SPATA45: variants seen among roughly 807,000 people sequenced by gnomAD.
SPATA45 encodes the protein spermatogenesis-associated protein 45.
SPATA45 carries 5 observed loss-of-function variants against 7.0 expected under a neutral mutation model. The observed-to-expected ratio is 0.71, with a 90% CI of 0.37 to 1.50. The LOEUF is 1.50. Among genes scored for constraint, SPATA45 ranks in the 40% most tolerant of loss-of-function variants. The probability of loss-of-function intolerance (pLI) is 0.03; values close to 1 mark genes in which losing one functional copy is unlikely to be tolerated. For missense variants in SPATA45, 111 were observed against 114.9 expected, an observed-to-expected ratio of 0.97 and a Z score of 0.16; for synonymous variants, 40 against 38.7, an observed-to-expected ratio of 1.03 and a Z score of -0.13.
intron 2 of SPATA45, among the ~76,000 whole-genome samples, chr1:212,833,477 G>T (rs1663525415): frequency 7.4e-6 from 1 of 134,446 alleles, no homozygotes; most frequent in Non-Finnish European, 1.6e-5. Flanking sequence ...TGGCCAACAT[G>T]ACGAAACCCC....
At chr1:212,830,604 G>A (rs969273149) in intron 2 of SPATA45, among the ~76,000 whole-genome samples, 5 of 148,992 alleles carry the variant, frequency 3.4e-5, no homozygotes, top group African/African-American at 7.4e-5. Flanking sequence ...CCCAGGAGGC[G>A]GAACGTGCAG....
intron 2 of SPATA45, among the ~76,000 whole-genome samples, chr1:212,831,365 G>A (rs76592298): frequency 2.7e-5 from 4 of 150,798 alleles, no homozygotes; most frequent in African/African-American, 9.7e-5. Context: ...CAGCTACTCG[G>A]GAGGCTGAGA....
intron 1 of SPATA45, among the ~76,000 whole-genome samples, chr1:212,847,314 C>A (rs1663817775): frequency 6.6e-6 from 1 of 152,138 alleles, no homozygotes; most frequent in South Asian, 2.1e-4. Context: ...GCACTAGTAG[C>A]ACTAGCCTGG....
intron 1 of SPATA45, 82 bp from the exon 2 acceptor site, chr1:212,836,269 T>C: frequency 8.9e-7 from 1 of 1,123,506 alleles, no homozygotes; most frequent in Non-Finnish European, 1.3e-6. Context: ...CAGTTTCTCT[T>C]TTTGCCTTCT....
At chr1:212,846,142 C>T (rs2102515750) in intron 1 of SPATA45, among the ~76,000 whole-genome samples, 1 of 152,268 alleles carries the variant, frequency 6.6e-6, no homozygotes, top group Admixed American at 6.5e-5. Flanking sequence ...CAGGTCATCA[C>T]CAATCATTCT....
At chr1:212,845,346 A>G (rs375296612) in intron 1 of SPATA45, among the ~76,000 whole-genome samples, 3,480 of 151,724 alleles carry the variant, frequency 0.023, 59 homozygotes, top group South Asian at 0.041. Context: ...CACATGCCCC[A>G]AGTCAGGAAA....
chr1:212,845,475 T>C (rs1006529488), intron 1 of SPATA45, among the ~76,000 whole-genome samples: 104 of 152,316 alleles, frequency 6.8e-4, no homozygotes, highest in Admixed American at 6.7e-3. Flanking sequence ...ATTCCTCAGT[T>C]TGGCCTTCCC....
chr1:212,832,223 C>T (rs1293406182), intron 2 of SPATA45, among the ~76,000 whole-genome samples: 7 of 150,536 alleles, frequency 4.7e-5, no homozygotes, highest in Non-Finnish European at 8.9e-5. Flanking sequence ...AGGCTGGTCT[C>T]GAACTCCTGA....
chr1:212,836,744 G>T lies in SPATA45; in HGVS notation c.-38-557C>A, dbSNP rs889863163. Reference sequence around the variant, plus strand: ...GCTCACTGCAACCTCCGCCTCCAGGGTTCAAGCAATTCTCCTGCCTCAGCT... The same window carrying T: ...GCTCACTGCAACCTCCGCCTCCAGGTTTCAAGCAATTCTCCTGCCTCAGCT... On this transcript the variant is annotated intron_variant, in intron 1 of 2. Transcript: ENST00000332912. Among the ~76,000 whole-genome samples the T allele has an allele frequency of 1.3e-5, 2 of 151,104 alleles. 1 individual carries two copies.
chr1:212,839,144 A>T (rs1055800853), intron 1 of SPATA45, among the ~76,000 whole-genome samples: 23 of 140,538 alleles, frequency 1.6e-4, no homozygotes, highest in African/African-American at 5.5e-4. Flanking sequence ...TATATATATA[A>T]TATATTCCTT....
chr1:212,840,921 C>T (rs1663670087), intron 1 of SPATA45, among the ~76,000 whole-genome samples: 3 of 151,990 alleles, frequency 2.0e-5, no homozygotes, highest in African/African-American at 4.8e-5. Flanking sequence ...CCCGGCTCCG[C>T]GCTCACCTTT....
In SPATA45 at chr1:212,835,478, G is replaced by A. The variant is rs939815194; in HGVS notation, c.277+395C>T. 1.1e-4 allele frequency among the ~76,000 whole-genome samples: 16 copies of A among 151,438 alleles called. 1 individual carries two copies. Among genetic ancestry groups the A allele is most frequent in the Admixed American group, 6.6e-5 (1 of 15,166 alleles). ...ATGGAGGTTGCTGTAAGCTGAGATC[G>A]TGCCATTGCACTCCAGCCTGGGCAA... On this transcript the variant is annotated intron_variant, in intron 2 of 2. Transcript: ENST00000332912.
At chr1:212,843,100 T>TACACACACACACACAC (rs367648433) in intron 1 of SPATA45, among the ~76,000 whole-genome samples, 3 of 121,930 alleles carry the variant, frequency 2.5e-5, no homozygotes, top group East Asian at 2.4e-4. Context: ...CCGTCAAACA[T>TACACACACACACACAC]ACACACACAC....
At chr1:212,842,870 C>G (rs928900458) in intron 1 of SPATA45, among the ~76,000 whole-genome samples, 25 of 150,942 alleles carry the variant, frequency 1.7e-4, no homozygotes, top group African/African-American at 5.8e-4. Flanking sequence ...AGGCGGATCA[C>G]TAGGTCAGGA....
chr1:212,831,125 G>A (rs946710068), intron 2 of SPATA45, among the ~76,000 whole-genome samples: 1 of 149,286 alleles, frequency 6.7e-6, no homozygotes, highest in Non-Finnish European at 1.5e-5. Flanking sequence ...GTGACAAAGT[G>A]ACAGAGTGAG....
chr1:212,846,677 T>A (rs1172826961), intron 1 of SPATA45, among the ~76,000 whole-genome samples: 1 of 152,182 alleles, frequency 6.6e-6, no homozygotes, highest in East Asian at 1.9e-4. Context: ...CTATATGAAC[T>A]AATGATAATC....
Position 212,835,900 on chromosome 1 carries a change from T to C in SPATA45, c.250A>G (p.Met84Val), listed in dbSNP as rs1357245728. Reference protein sequence around the residue: ...SWIKLSLLAHMERKHFPPKNN... With the variant: ...SWIKLSLLAHVERKHFPPKNN... The stretch of plus-strand genomic sequence containing the variant: ...TTTGGTGGAAAGTGCTTTCTCTCCA[T>C]GTGAGCAAGGAGACTCAGCTTGATC... Residue 84 changes from methionine (M) to valine (V), a missense_variant, in exon 2 of 3, where the codon ATG (methionine) becomes GTG (valine). Physicochemically the swap from Met to Val is conservative, Grantham distance 21. Transcript: ENST00000332912. The C allele has an allele frequency of 2.5e-6, 4 of 1,605,780 alleles. 1 individual carries two copies. The highest frequency in any genetic ancestry group is 3.4e-6 in the Non-Finnish European group (4 of 1,176,108).
chr1:212,839,130 T>A (rs1043950004), intron 1 of SPATA45, among the ~76,000 whole-genome samples: 24 of 78,290 alleles, frequency 3.1e-4, no homozygotes, highest in Non-Finnish European at 8.2e-4. Context: ...TTATATATAT[T>A]ATATATATAT....
chr1:212,845,319 G>A (rs1432398464), intron 1 of SPATA45, among the ~76,000 whole-genome samples: 1 of 152,140 alleles, frequency 6.6e-6, no homozygotes, highest in Non-Finnish European at 1.5e-5. Context: ...GCCCAGGACT[G>A]GCAAATTGAC....
Sources: allele counts gnomAD v4.1 joint callset (sites outside exome capture counted in the v4.1 genomes callset), GRCh38; gene constraint gnomAD v4.1.1; transcripts MANE v1.5; gene names NCBI Gene and HGNC (gene_info 2026-07-23, HGNC 2026-07-21).